Variants in LUC7L2 observed in about 807,000 individuals in gnomAD.
LUC7L2 encodes LUC7 like 2, pre-mRNA splicing factor.
Under a neutral mutation model 52.8 loss-of-function variants are expected in LUC7L2, and 25 were observed. The observed-to-expected ratio is 0.47, with a 90% CI of 0.34 to 0.66. LUC7L2 has a LOEUF of 0.66. Among genes scored for constraint, LUC7L2 ranks in the 30% least tolerant of loss-of-function variants. LUC7L2 has a pLI of 0.01. For synonymous variants in LUC7L2, 144 were observed against 160.9 expected, an observed-to-expected ratio of 0.89 and a Z score of 0.80; for missense variants, 328 against 497.8, an observed-to-expected ratio of 0.66 and a Z score of 3.25.
chr7:139,384,926 A>G (rs1053250046), intron 2 of LUC7L2, among the ~76,000 whole-genome samples: 3 of 152,162 alleles, frequency 2.0e-5, no homozygotes, highest in Non-Finnish European at 4.4e-5. Context: ...ATCTGGCTCT[A>G]TTTTGAATAA....
chr7:139,410,918 T>G (rs371759714), intron 7 of LUC7L2, among the ~76,000 whole-genome samples: 4 of 149,936 alleles, frequency 2.7e-5, no homozygotes, highest in East Asian at 1.9e-4. Flanking sequence ...TGGTCCCTTT[T>G]TAGGAGAAGT....
At chr7:139,378,834 G>C (rs1031904164) in intron 2 of LUC7L2, among the ~76,000 whole-genome samples, 3 of 152,118 alleles carry the variant, frequency 2.0e-5, no homozygotes, top group African/African-American at 7.2e-5. Context: ...GTCTCACAAC[G>C]TCCTTTACGT....
At chr7:139,388,878 T>C (rs576337059) in intron 2 of LUC7L2, among the ~76,000 whole-genome samples, 8 of 152,198 alleles carry the variant, frequency 5.3e-5, no homozygotes, top group South Asian at 4.1e-4. Context: ...TTGAAAGTTA[T>C]TGTGTTATTG....
intron 8 of LUC7L2, chr7:139,416,922 C>T (rs1427960260): frequency 6.6e-6 from 1 of 152,192 alleles, no homozygotes; most frequent in Non-Finnish European, 1.5e-5. Flanking sequence ...AAATTCATAA[C>T]AAATCTAGAT....
At chr7:139,406,244 G>T (rs564983018) in intron 5 of LUC7L2, among the ~76,000 whole-genome samples, 83 of 151,908 alleles carry the variant, frequency 5.5e-4, no homozygotes, top group African/African-American at 1.9e-3. Context: ...TAGAGACAGG[G>T]TTTCTCCATG....
intron 2 of LUC7L2, among the ~76,000 whole-genome samples, chr7:139,389,384 T>C (rs1051036711): frequency 3.9e-5 from 6 of 152,154 alleles, no homozygotes; most frequent in African/African-American, 1.2e-4. Flanking sequence ...CATCCCCTTT[T>C]CCCCCCATCA....
chr7:139,360,241 T>TCCGCCCGC lies in LUC7L2; in HGVS notation c.-20_-13dup, dbSNP rs1381846208. The stretch of plus-strand genomic sequence containing the variant: ...CCGGTCTGCGCCCCACCCCCGCCCG[T>TCCGCCCGC]CCGCCCGCTACGCCGCCGCCATGTC... On this transcript the variant is annotated 5_prime_UTR_variant, in exon 1 of 10. Coordinates refer to ENST00000354926, the MANE Select transcript of LUC7L2 (RefSeq NM_016019.5). The TCCGCCCGC allele has an allele frequency of 1.3e-6, 2 of 1,539,014 alleles. No homozygotes were observed. Among genetic ancestry groups the TCCGCCCGC allele is most frequent in the Admixed American group, 3.9e-5 (2 of 50,784 alleles).
chr7:139,395,113 A>G (rs1220054085), intron 2 of LUC7L2, among the ~76,000 whole-genome samples: 1 of 152,224 alleles, frequency 6.6e-6, no homozygotes, highest in Non-Finnish European at 1.5e-5. Context: ...ATGTAGCATC[A>G]TGTGAACAGC....
At chr7:139,392,004 G>A (rs753826848) in intron 2 of LUC7L2, among the ~76,000 whole-genome samples, 2 of 152,190 alleles carry the variant, frequency 1.3e-5, no homozygotes, top group Non-Finnish European at 2.9e-5. Context: ...TCCAAAATTC[G>A]TATTTTATTA....
intron 5 of LUC7L2, 47 bp downstream of exon 5, chr7:139,405,834 C>G: frequency 6.5e-7 from 1 of 1,535,494 alleles, no homozygotes; most frequent in Non-Finnish European, 8.7e-7. Context: ...TTTGGTAAGA[C>G]TACAAATAAA....
chr7:139,391,673 C>G (rs962028345), intron 2 of LUC7L2, among the ~76,000 whole-genome samples: 1 of 152,170 alleles, frequency 6.6e-6, no homozygotes, highest in Non-Finnish European at 1.5e-5. Flanking sequence ...ACTGCAACCT[C>G]TGCCTCCCAG....
intron 1 of LUC7L2, among the ~76,000 whole-genome samples, chr7:139,362,640 T>TA (rs11375195): frequency 0.35 from 50,437 of 145,972 alleles, 11,766 homozygotes; most frequent in African/African-American, 0.67. Flanking sequence ...TTTTTTTTTT[T>TA]AATTCCAGAG....
intron 1 of LUC7L2, among the ~76,000 whole-genome samples, chr7:139,364,740 T>C (rs1800064789): frequency 6.6e-6 from 1 of 152,244 alleles, no homozygotes; most frequent in Non-Finnish European, 1.5e-5. Context: ...TCTGCAAAAT[T>C]ACTGAATCAA....
At chr7:139,386,607 C>T (rs996101213) in intron 2 of LUC7L2, among the ~76,000 whole-genome samples, 5 of 146,000 alleles carry the variant, frequency 3.4e-5, no homozygotes, top group South Asian at 2.2e-4. Context: ...ACGGGGTTAC[C>T]GTGTTAGCCA....
At chr7:139,415,906 C>T (rs185285744) in intron 8 of LUC7L2, among the ~76,000 whole-genome samples, 26 of 151,692 alleles carry the variant, frequency 1.7e-4, no homozygotes, top group Admixed American at 1.7e-3. Flanking sequence ...TCGTTCATAA[C>T]AATCAGTTGA....
chr7:139,389,695 T>A (rs1794346566), intron 2 of LUC7L2, among the ~76,000 whole-genome samples: 1 of 152,160 alleles, frequency 6.6e-6, no homozygotes, highest in African/African-American at 2.4e-5. Flanking sequence ...TAATATAATA[T>A]TATATCATAT....
In LUC7L2 at chr7:139,422,379, G is replaced by A. The variant is rs745511457; in HGVS notation, c.*39G>A. The A allele has an allele frequency of 3.2e-6, 5 of 1,575,556 alleles. No homozygotes were observed. Among genetic ancestry groups the A allele is most frequent in the Non-Finnish European group, 3.4e-6 (4 of 1,163,448 alleles). ...TTTCTTCAGTCCTTAAGCTTCCTAC[G>A]GAGTTACGTACTATTGTTTAGTTCA... On this transcript the variant is annotated 3_prime_UTR_variant, in exon 10 of 10. Coordinates refer to ENST00000354926, the MANE Select transcript of LUC7L2 (RefSeq NM_016019.5).
chr7:139,360,191 C>A lies in LUC7L2; in HGVS notation c.-71C>A. ...GCAGCGCACCTTCCCCCATCCCTTC[C>A]CCTTATCCCCCAGCCCAAAAGGGCC... On this transcript the variant is annotated 5_prime_UTR_variant, in exon 1 of 10. Coordinates refer to ENST00000354926, the MANE Select transcript of LUC7L2 (RefSeq NM_016019.5). 2 of 1,240,420 alleles carry A rather than the reference C, an allele frequency of 1.6e-6. No individual in the cohort carries two copies. Among genetic ancestry groups the A allele is most frequent in the South Asian group, 2.6e-5 (2 of 77,036 alleles). The allele number at this position is 1,240,420 out of a possible 1,614,324, so 76.8% of individuals were successfully genotyped here. A position where few individuals can be genotyped will look rare whatever the true frequency, so the allele number is the denominator to read the frequency against.
intron 8 of LUC7L2, among the ~76,000 whole-genome samples, chr7:139,414,375 A>AT (rs1370279488): frequency 6.6e-6 from 1 of 152,212 alleles, no homozygotes; most frequent in African/African-American, 2.4e-5. Context: ...TGGAAAAAAA[A>AT]TTGCAAAGAA....
Sources: gnomAD v4.1 joint callset for allele counts (sites outside exome capture counted in the v4.1 genomes callset) on GRCh38, gnomAD v4.1.1 for gene constraint, MANE v1.5 for transcripts, NCBI Gene and HGNC (gene_info 2026-07-23, HGNC 2026-07-21) for gene names.